The following ANO2 variants were observed in gnomAD, a reference collection of about 807,000 sequenced individuals.
ANO2 encodes anoctamin-2.
Under a neutral mutation model 124.2 loss-of-function variants are expected in ANO2, and 101 were observed. The observed-to-expected ratio is 0.81, with a 90% confidence interval of 0.69 to 0.96. The LOEUF is 0.96. Ranked by LOEUF, ANO2 falls within the 40% of genes least tolerant of loss-of-function variation. The probability of loss-of-function intolerance (pLI) is 0.00; values close to 1 mark genes in which losing one functional copy is unlikely to be tolerated. For missense variants in ANO2, 1,293 were observed against 1,274.5 expected (o/e 1.01, Z -0.22); for synonymous variants, 486 against 482.5 (o/e 1.01, Z -0.09).
intron 1 of ANO2, among the ~76,000 whole-genome samples, chr12:5,931,006 T>G (rs1004711511): frequency 6.6e-6 from 1 of 152,144 alleles, no homozygotes; most frequent in Admixed American, 6.5e-5. Context: ...CTTGCCTTGT[T>G]CCCCTCTGAT....
chr12:5,628,450 A>C (rs1452213852), intron 16 of ANO2, among the ~76,000 whole-genome samples: 1 of 152,230 alleles, frequency 6.6e-6, no homozygotes, highest in Non-Finnish European at 1.5e-5. Flanking sequence ...ATTAAAAGGC[A>C]CTAGAGTGTC....
chr12:5,713,270 AG>A (rs1949881883), intron 14 of ANO2, among the ~76,000 whole-genome samples: 1 of 152,224 alleles, frequency 6.6e-6, no homozygotes, highest in South Asian at 2.1e-4. Context: ...ACAGCTCCAA[AG>A]TTTCTGGTGT....
chr12:5,626,093 A>T (rs1193125872), intron 16 of ANO2, among the ~76,000 whole-genome samples: 2 of 152,306 alleles, frequency 1.3e-5, no homozygotes, highest in Admixed American at 6.5e-5. Context: ...GTTAGCTAAA[A>T]ATCCCCTACA....
rs187414364 is a variant in ANO2, at chr12:5,775,540, C to T, written c.1055+23967G>A. 3.7e-3 allele frequency among the ~76,000 whole-genome samples: 551 copies of T among 150,240 alleles called. 3 individuals carry two copies. Among genetic ancestry groups the T allele is most frequent in the Non-Finnish European group, 5.5e-3 (370 of 67,856 alleles). ...GCAGTGGCGCGATCTTGGCTCACTG[C>T]AAGCTCCGCCTCCCAGGTTCACGTC... On this transcript the variant is annotated intron_variant, in intron 10 of 24. Coordinates refer to ENST00000682330, the MANE Select transcript of ANO2 (RefSeq NM_001364791.2).
chr12:5,763,235 T>C (rs1461708795), intron 10 of ANO2, among the ~76,000 whole-genome samples: 1 of 152,042 alleles, frequency 6.6e-6, no homozygotes, highest in African/African-American at 2.4e-5. Context: ...TTAAATTACA[T>C]GGAAAGTACT....
chr12:5,922,801 A>C lies in ANO2; in HGVS notation c.26T>G (p.Ile9Arg), dbSNP rs570793510. MATPGPRD[I>R]PLLPGSPRRL... is the part of the protein sequence containing the mutation. The stretch of plus-strand genomic sequence containing the variant: ...GCGTGGGGAGCCAGGGAGCAGGGGT[A>C]TATCTGTGAGAGGGAAAGACAAGGG... Residue 9 changes from isoleucine to arginine, a missense_variant, in exon 2 of 25, where the codon ATA becomes AGA. Transcript: ENST00000682330. The C allele has an allele frequency of 5.6e-5, 84 of 1,500,824 alleles. No homozygotes were observed. The highest frequency in any genetic ancestry group is 6.3e-5 in the Non-Finnish European group (71 of 1,125,866). 93.0% of individuals were successfully genotyped at this position (1,500,824 alleles called of 1,614,324 possible). A position where few individuals can be genotyped will look rare whatever the true frequency, so the allele number is the denominator to read the frequency against.
At chr12:5,781,642 G>A (rs1361104045) in intron 10 of ANO2, among the ~76,000 whole-genome samples, 1 of 152,122 alleles carries the variant, frequency 6.6e-6, no homozygotes, top group East Asian at 1.9e-4. Context: ...ACTTCTTCAA[G>A]GACCACTATT....
chr12:5,581,706 G>GT (rs1383832215), intron 20 of ANO2, among the ~76,000 whole-genome samples: 1 of 152,158 alleles, frequency 6.6e-6, no homozygotes, highest in Non-Finnish European at 1.5e-5. Flanking sequence ...CCCTCGCCAT[G>GT]TAAGTCTCTA....
chr12:5,567,630 C>T (rs780535660), intron 23 of ANO2, among the ~76,000 whole-genome samples: 2 of 152,200 alleles, frequency 1.3e-5, no homozygotes, highest in African/African-American at 2.4e-5. Context: ...TCACTGACCT[C>T]AGTATGCGAG....
At chr12:5,615,046 G>A in intron 17 of ANO2, 140 bp downstream of exon 17, 1 of 594,262 alleles carries the variant, frequency 1.7e-6, no homozygotes, top group East Asian at 2.9e-5. Flanking sequence ...CCTTCTCCAT[G>A]GGAAGGCAGG....
chr12:5,677,733 T>C (rs2136996320), intron 14 of ANO2, among the ~76,000 whole-genome samples: 1 of 152,270 alleles, frequency 6.6e-6, no homozygotes, highest in African/African-American at 2.4e-5. Flanking sequence ...CAGTGAGGAT[T>C]TACACCTTTC....
chr12:5,753,811 T>C (rs551326419), intron 10 of ANO2, among the ~76,000 whole-genome samples: 1 of 152,304 alleles, frequency 6.6e-6, no homozygotes, highest in South Asian at 2.1e-4. Context: ...GTTTTCTGCA[T>C]ATGAGATCAT....
rs184764580 is a variant in ANO2, at chr12:5,716,555, G to C, written c.1545+15965C>G. 2.9e-3 allele frequency among the ~76,000 whole-genome samples: 445 copies of C among 152,318 alleles called. 2 individuals are homozygous for C. Among genetic ancestry groups the C allele is most frequent in the African/African-American group, 0.01 (424 of 41,554 alleles). On this transcript the variant is annotated intron_variant, in intron 14 of 24. Coordinates refer to ENST00000682330, the MANE Select transcript of ANO2 (RefSeq NM_001364791.2). The stretch of plus-strand genomic sequence containing the variant: ...TTGGATGGGAGTCTTTCCATGCTGA[G>C]AAGTGCAAGTATTCAGCTGAGTACA...
chr12:5,824,220 A>C (rs1259915108), intron 7 of ANO2, among the ~76,000 whole-genome samples: 1 of 152,156 alleles, frequency 6.6e-6, no homozygotes, highest in Non-Finnish European at 1.5e-5. Context: ...AGCCAGCTTG[A>C]ATTTCTCCCC....
At chr12:5,872,756 G>T (rs967816812) in intron 3 of ANO2, among the ~76,000 whole-genome samples, 1 of 152,132 alleles carries the variant, frequency 6.6e-6, no homozygotes, top group Non-Finnish European at 1.5e-5. Context: ...TATGCCCACG[G>T]TTCCGGGAGG....
chr12:5,924,201 T>C (rs1941969483), intron 1 of ANO2, among the ~76,000 whole-genome samples: 1 of 152,228 alleles, frequency 6.6e-6, no homozygotes, highest in Non-Finnish European at 1.5e-5. Context: ...TGCCAACTTG[T>C]GGAGCAGCCC....
At chr12:5,567,719 T>G (rs1158980012) in intron 23 of ANO2, among the ~76,000 whole-genome samples, 1 of 152,214 alleles carries the variant, frequency 6.6e-6, no homozygotes, top group African/African-American at 2.4e-5. Context: ...TGCTATTAAC[T>G]CACCCCAGCT....
intron 3 of ANO2, among the ~76,000 whole-genome samples, chr12:5,899,626 G>C (rs1940042313): frequency 1.3e-5 from 2 of 152,148 alleles, no homozygotes; most frequent in African/African-American, 2.4e-5. Flanking sequence ...CCTTTCCCTA[G>C]GGAAACTGAA....
chr12:5,640,202 G>A (rs1946265409), intron 15 of ANO2, among the ~76,000 whole-genome samples: 1 of 152,120 alleles, frequency 6.6e-6, no homozygotes, highest in Non-Finnish European at 1.5e-5. Flanking sequence ...TCGGTAGATT[G>A]GCATGCCTGA....
Sources: allele counts gnomAD v4.1 joint callset (sites outside exome capture counted in the v4.1 genomes callset), GRCh38; gene constraint gnomAD v4.1.1; transcripts MANE v1.5; gene names NCBI Gene and HGNC (gene_info 2026-07-23, HGNC 2026-07-21).